The following ATE1 variants were observed in gnomAD, a reference collection of about 807,000 sequenced individuals.
ATE1 encodes arginyltransferase 1.
Under a neutral mutation model 70.5 loss-of-function variants are expected in ATE1, and 36 were observed. The observed-to-expected ratio is 0.51, with a 90% CI of 0.39 to 0.67. ATE1 has a LOEUF of 0.67. Among genes scored for constraint, ATE1 ranks in the 30% least tolerant of loss-of-function variants. The pLI, the probability that ATE1 is intolerant of heterozygous loss-of-function variation, is 0.00. For synonymous variants in ATE1, 232 were observed against 219.3 expected (o/e 1.06, Z -0.51); for missense variants, 593 against 629.5 (o/e 0.94, Z 0.62).
rs1036354762 is a variant in ATE1 at position 121,743,384 on chromosome 10, C to T, written c.*296G>A. The T allele has an allele frequency of 9.3e-6, 3 of 323,684 alleles. No individual in the cohort carries two copies. Among genetic ancestry groups the T allele is most frequent in the African/African-American group, 4.4e-5 (2 of 45,878 alleles). 20.1% of individuals were successfully genotyped at this position (323,684 alleles called of 1,614,324 possible). On this transcript the variant is annotated 3_prime_UTR_variant, in exon 12 of 12. Transcript: ENST00000224652. ...ATTAAGTTACTTAGATTCACTTCTT[C>T]ATTTTACAAAATACAAACAGGAGAA...
At position 121,791,098 on chromosome 10, in the gene ATE1, T is replaced by TA. The variant is rs1554893365; in HGVS notation, c.1258-810_1258-809insT. ...TGTGTGTGTGTGTGTGTATATATAT[T>TA]TTTTTTTTTTTTTGAGATAGATTCT... On this transcript the variant is annotated intron_variant, in intron 10 of 11. Transcript: ENST00000224652. Among the ~76,000 whole-genome samples the TA allele has an allele frequency of 5.7e-3, 394 of 69,268 alleles. 3 individuals are homozygous for TA. The highest frequency in any genetic ancestry group is 9.2e-3 in the Non-Finnish European group (323 of 35,098). 45.4% of individuals were successfully genotyped at this position (69,268 alleles called of 152,430 possible). A position where few individuals can be genotyped will look rare whatever the true frequency, so the allele number is the denominator to read the frequency against.
intron 5 of ATE1, among the ~76,000 whole-genome samples, chr10:121,903,421 G>A (rs1292368603): frequency 1.3e-5 from 2 of 152,154 alleles, no homozygotes; most frequent in African/African-American, 4.8e-5. Context: ...AAGAATCCTT[G>A]TGCACCTGGA....
At chr10:121,915,839 C>A (rs1158054592) in intron 3 of ATE1, among the ~76,000 whole-genome samples, 54 of 122,384 alleles carry the variant, frequency 4.4e-4, no homozygotes, top group Middle Eastern at 0.012. Flanking sequence ...TGCAGTGAGC[C>A]AAGATCACAC....
intron 7 of ATE1, among the ~76,000 whole-genome samples, chr10:121,873,243 AT>A (rs1285280428): frequency 6.6e-6 from 1 of 152,070 alleles, no homozygotes; most frequent in Non-Finnish European, 1.5e-5. Context: ...CAAGTCTTGA[AT>A]TTTTTTTAAA....
chr10:121,914,767 C>T (rs539496870), intron 3 of ATE1, among the ~76,000 whole-genome samples: 64 of 152,252 alleles, frequency 4.2e-4, no homozygotes, highest in African/African-American at 1.5e-3. Flanking sequence ...AGGATGGATG[C>T]AAGCCACAGC....
chr10:121,844,904 G>A (rs1312973667), intron 8 of ATE1, among the ~76,000 whole-genome samples: 1 of 149,600 alleles, frequency 6.7e-6, no homozygotes, highest in Admixed American at 6.6e-5. Flanking sequence ...CAGATAATGA[G>A]TTTAAAAAAA....
chr10:121,902,140 ACT>A (rs1358061775), intron 6 of ATE1, among the ~76,000 whole-genome samples: 1 of 152,184 alleles, frequency 6.6e-6, no homozygotes, highest in African/African-American at 2.4e-5. Context: ...TAAAATTGAC[ACT>A]GTTTTCACAA....
rs550996377 is a variant in ATE1 at position 121,811,353 on chromosome 10, A to G, written c.1258-21064T>C. 2.0e-5 allele frequency among the ~76,000 whole-genome samples: 3 copies of G among 152,364 alleles called. No homozygotes were observed. The South Asian group carries it at 6.2e-4, about 32-fold the overall frequency. ...ATGGGGTAAAATACTACCAATAGGT[A>G]AATCTGACAAAAGAGTACACTGTAC... is the stretch of plus-strand genomic sequence containing the variant. On this transcript the variant is annotated intron_variant, in intron 10 of 11. Transcript: ENST00000224652.
At chr10:121,893,201 C>T (rs1044189396) in intron 7 of ATE1, among the ~76,000 whole-genome samples, 4 of 149,950 alleles carry the variant, frequency 2.7e-5, no homozygotes, top group African/African-American at 9.9e-5. Flanking sequence ...TGCTTAAATC[C>T]GGGAGGCAGA....
intron 10 of ATE1, among the ~76,000 whole-genome samples, chr10:121,830,746 A>T (rs1480635130): frequency 6.6e-6 from 1 of 152,232 alleles, no homozygotes; most frequent in African/African-American, 2.4e-5. Context: ...ATATGATGCC[A>T]GGAAAATGCT....
At chr10:121,816,087 C>T (rs1265631733) in intron 10 of ATE1, among the ~76,000 whole-genome samples, 1 of 152,080 alleles carries the variant, frequency 6.6e-6, no homozygotes. Context: ...CATTGCCCTA[C>T]TATAGCTAAT....
Position 121,743,512 on chromosome 10 carries a change from A to T in ATE1, c.*168T>A. ...TTAAAATCTTTATATTAACTATGAG[A>T]TTCTCACAGATACATTGCCACAAAA... On this transcript the variant is annotated 3_prime_UTR_variant, in exon 12 of 12. Coordinates refer to ENST00000224652, the MANE Select transcript of ATE1 (RefSeq NM_001001976.3). 7.9e-7 allele frequency: 1 copy of T among 1,270,266 alleles called. No individual in the cohort carries two copies. The highest frequency in any genetic ancestry group is 1.0e-6 in the Non-Finnish European group (1 of 996,706). 78.7% of individuals were successfully genotyped at this position (1,270,266 alleles called of 1,614,324 possible).
intron 7 of ATE1, among the ~76,000 whole-genome samples, chr10:121,884,710 G>A (rs1950328582): frequency 6.6e-6 from 1 of 152,176 alleles, no homozygotes; most frequent in South Asian, 2.1e-4. Context: ...CCCCAAAAAG[G>A]AACATGCTTG....
rs1590469662 is a variant in ATE1, at chr10:121,846,261, T to G, written c.976-4998A>C. 2.6e-5 allele frequency among the ~76,000 whole-genome samples: 4 copies of G among 152,282 alleles called. 1 individual carries two copies. Among genetic ancestry groups the G allele is most frequent in the African/African-American group, 9.6e-5 (4 of 41,578 alleles). On this transcript the variant is annotated intron_variant, in intron 8 of 11. Coordinates refer to ENST00000224652, the MANE Select transcript of ATE1 (RefSeq NM_001001976.3). The stretch of plus-strand genomic sequence containing the variant: ...GCAACAAAATAAAACAGTACTGACT[T>G]TATAATCCCAAGTATGAGATAAATA...
chr10:121,779,238 T>TGGCCTGGTAAGTTCCCA (rs1316489833), intron 11 of ATE1, among the ~76,000 whole-genome samples: 1 of 152,144 alleles, frequency 6.6e-6, no homozygotes, highest in African/African-American at 2.4e-5. Flanking sequence ...TTCCCTGCAA[T>TGGCCTGGTAAGTTCCCA]GGCCTGGTAA....
chr10:121,890,208 T>C (rs1443920012), intron 7 of ATE1, among the ~76,000 whole-genome samples: 1 of 152,130 alleles, frequency 6.6e-6, no homozygotes, highest in African/African-American at 2.4e-5. Flanking sequence ...TAAAACGATA[T>C]CACAAAATGT....
At chr10:121,872,788 C>T (rs139067795) in intron 7 of ATE1, among the ~76,000 whole-genome samples, 203 of 151,566 alleles carry the variant, frequency 1.3e-3, no homozygotes, top group African/African-American at 4.6e-3. Context: ...AAAAAAAAGA[C>T]TACGGCTGCA....
intron 11 of ATE1, among the ~76,000 whole-genome samples, 177 bp downstream of exon 11, chr10:121,789,988 CTGCG>C (rs1946369290): frequency 6.6e-6 from 1 of 151,240 alleles, no homozygotes; most frequent in Non-Finnish European, 1.5e-5. Flanking sequence ...TTGTGCCAAA[CTGCG>C]TGAGTTTGTG....
chr10:121,878,524 C>T (rs1268042005), intron 7 of ATE1, among the ~76,000 whole-genome samples: 1 of 148,972 alleles, frequency 6.7e-6, no homozygotes, highest in Non-Finnish European at 1.5e-5. Flanking sequence ...ACTCAGGAGG[C>T]AGAGGTTGCA....
Sources: allele counts gnomAD v4.1 joint callset (sites outside exome capture counted in the v4.1 genomes callset), GRCh38; gene constraint gnomAD v4.1.1; transcripts MANE v1.5; gene names NCBI Gene and HGNC (gene_info 2026-07-23, HGNC 2026-07-21).